Variants in B4GALNT2 observed in about 807,000 individuals in gnomAD.
The protein encoded by B4GALNT2 is beta-1,4-N-acetyl-galactosaminyltransferase 2 (SID blood group), also known as N-acetylneuraminylgalactosylglucosyl-glucoside beta-1,4-N- acetylgalactosaminyltransferase 2.
Under a neutral mutation model 51.1 loss-of-function variants are expected in B4GALNT2, and 42 were observed. That is an observed-to-expected ratio of 0.82 (90% CI 0.64 to 1.06). B4GALNT2 has a LOEUF of 1.06. Among genes scored for constraint, B4GALNT2 ranks in the 50% least tolerant of loss-of-function variants. B4GALNT2 has a pLI of 0.00. For missense variants in B4GALNT2, 602 were observed against 633.6 expected (o/e 0.95, Z 0.54); for synonymous variants, 253 against 251.7 (o/e 1.01, Z -0.05).
intron 3 of B4GALNT2, chr17:49,148,593 G>T (rs2042719909): frequency 2.1e-6 from 1 of 469,880 alleles, no homozygotes; most frequent in East Asian, 4.9e-5. Context: ...ACCCTTGTTG[G>T]TAAGGTACGC....
At chr17:49,134,561 C>T (rs1201231715) in intron 1 of B4GALNT2, among the ~76,000 whole-genome samples, 2 of 151,862 alleles carry the variant, frequency 1.3e-5, no homozygotes, top group Non-Finnish European at 2.9e-5. Flanking sequence ...TGCGCACGCG[C>T]GCCACCATGC....
upstream of B4GALNT2, chr17:49,132,629 C>T: frequency 1.4e-6 from 1 of 714,668 alleles, no homozygotes; most frequent in African/African-American, 1.9e-5. Context: ...GATGGGGGCG[C>T]TGGTGTGGGG....
chr17:49,167,333 G>T (rs1051480847), intron 9 of B4GALNT2, among the ~76,000 whole-genome samples: 10 of 152,208 alleles, frequency 6.6e-5, no homozygotes, highest in African/African-American at 2.4e-4. Flanking sequence ...AGGATGTGAT[G>T]TAAACGTTTC....
the B4GALNT2 span, among the ~76,000 whole-genome samples, chr17:49,123,357 C>A: frequency 6.6e-6 from 1 of 152,132 alleles, no homozygotes; most frequent in Non-Finnish European, 1.5e-5. Flanking sequence ...GAAAGCACAG[C>A]TTATTTGGAA....
the B4GALNT2 span, among the ~76,000 whole-genome samples, chr17:49,121,971 A>G: frequency 6.6e-6 from 1 of 152,242 alleles, no homozygotes; most frequent in African/African-American, 2.4e-5. Context: ...AATTTCTGTC[A>G]GGAGTGCTCT....
At chr17:49,146,117 G>A (rs1473945738) in intron 3 of B4GALNT2, among the ~76,000 whole-genome samples, 3 of 152,050 alleles carry the variant, frequency 2.0e-5, no homozygotes, top group Non-Finnish European at 4.4e-5. Flanking sequence ...CCATATATTG[G>A]ACACTGATTC....
At chr17:49,124,695 T>C in the B4GALNT2 span, among the ~76,000 whole-genome samples, 1 of 152,192 alleles carries the variant, frequency 6.6e-6, no homozygotes, top group Non-Finnish European at 1.5e-5. Context: ...AATGTTAAGC[T>C]CAATTTTTAA....
At chr17:49,126,241 A>G in the B4GALNT2 span, among the ~76,000 whole-genome samples, 1 of 152,230 alleles carries the variant, frequency 6.6e-6, no homozygotes, top group African/African-American at 2.4e-5. Context: ...GTGTCCACTC[A>G]GGGTTAAATG....
intron 5 of B4GALNT2, 145 bp downstream of exon 5, chr17:49,156,748 A>G: frequency 3.2e-6 from 3 of 933,020 alleles, no homozygotes; most frequent in Non-Finnish European, 4.8e-6. Context: ...AAGGGTGTGT[A>G]GAAAACTTAA....
the B4GALNT2 span, among the ~76,000 whole-genome samples, chr17:49,125,082 T>A: frequency 1.3e-5 from 2 of 152,252 alleles, no homozygotes; most frequent in African/African-American, 2.4e-5. Context: ...AAACTTTTTT[T>A]AATAGTCTTA....
upstream of B4GALNT2, among the ~76,000 whole-genome samples, chr17:49,129,713 G>GC (rs1555609290): frequency 7.6e-4 from 57 of 75,134 alleles, no homozygotes; most frequent in Admixed American, 7.6e-4. Context: ...TTTCTGTGTG[G>GC]GGGGGGAAGT....
chr17:49,145,268 C>T (rs541466305), intron 3 of B4GALNT2, among the ~76,000 whole-genome samples: 3 of 152,296 alleles, frequency 2.0e-5, no homozygotes, highest in East Asian at 3.9e-4. Flanking sequence ...TTATGCCTAA[C>T]ATAATACAAC....
chr17:49,135,109 G>T (rs903999800), intron 1 of B4GALNT2, among the ~76,000 whole-genome samples: 1 of 151,964 alleles, frequency 6.6e-6, no homozygotes, highest in Non-Finnish European at 1.5e-5. Flanking sequence ...TCTATAACTC[G>T]AATAGTTTAA....
chr17:49,152,170 G>A (rs994568668), intron 3 of B4GALNT2, among the ~76,000 whole-genome samples: 10 of 151,674 alleles, frequency 6.6e-5, no homozygotes, highest in Non-Finnish European at 1.0e-4. Context: ...TGAGCCCAGC[G>A]GTTGGAGACC....
chr17:49,169,050 T>TGGGGAGAA, intron 10 of B4GALNT2, 150 bp downstream of exon 10: 3 of 800,954 alleles, frequency 3.7e-6, no homozygotes, highest in Admixed American at 2.8e-5. Context: ...CTCCCCAGAC[T>TGGGGAGAA]AGGGAGCTCT....
At chr17:49,132,858 G>A (rs1042550368) in intron 1 of B4GALNT2, 52 bp downstream of exon 1, 4 of 1,370,406 alleles carry the variant, frequency 2.9e-6, no homozygotes, top group Middle Eastern at 1.9e-4. Flanking sequence ...CGGGAGCAGG[G>A]AGCGCCGCGG....
chr17:49,140,347 G>T (rs903833483), intron 1 of B4GALNT2, among the ~76,000 whole-genome samples: 2 of 152,126 alleles, frequency 1.3e-5, no homozygotes, highest in African/African-American at 2.4e-5. Context: ...TGATCCACCC[G>T]CCTTGGCCTC....
rs558240078 is a variant in B4GALNT2 at position 49,173,190 on chromosome 17, C to G, written c.*3462C>G. 6.6e-6 allele frequency: 1 copy of G among 152,230 alleles called. No individual in the cohort carries two copies. The highest frequency in any genetic ancestry group is 2.4e-5 in the African/African-American group (1 of 41,470). 9.4% of individuals were successfully genotyped at this position (152,230 alleles called of 1,614,324 possible). On this transcript the variant is annotated 3_prime_UTR_variant, in exon 11 of 11. Coordinates refer to ENST00000393354, the MANE Select transcript of B4GALNT2 (RefSeq NM_001159387.2). ...TAAAAAGGATGCATTCTACTCCTGA[C>G]TGCTGTTTGCAATTGGGTAAATAAA... is the stretch of plus-strand genomic sequence containing the variant.
At chr17:49,140,276 A>G (rs8074345) in intron 1 of B4GALNT2, among the ~76,000 whole-genome samples, 12,207 of 151,776 alleles carry the variant, frequency 0.08, 811 homozygotes, top group African/African-American at 0.18. Context: ...AATTTTTTGT[A>G]TTTTTAGTAG....
Sources: gnomAD v4.1 joint callset for allele counts (sites outside exome capture counted in the v4.1 genomes callset) on GRCh38, gnomAD v4.1.1 for gene constraint, MANE v1.5 for transcripts, NCBI Gene and HGNC (gene_info 2026-07-23, HGNC 2026-07-21) for gene names.